NOS1: variants seen among roughly 807,000 people sequenced by gnomAD.
The protein encoded by NOS1 is nitric oxide synthase 1, also known as NOS type I.
A neutral mutation model predicts 164.5 loss-of-function variants in NOS1; 51 were observed. The observed-to-expected ratio is 0.31, with a 90% CI of 0.25 to 0.39. The LOEUF is 0.39. Ranked by LOEUF, NOS1 falls within the 10% of genes least tolerant of loss-of-function variation. NOS1 has a pLI of 1.00. For synonymous variants in NOS1, 719 were observed against 745.8 expected (o/e 0.96, Z 0.59); for missense variants, 1,362 against 1,885.6 (o/e 0.72, Z 5.14).
intron 10 of NOS1, among the ~76,000 whole-genome samples, chr12:117,271,221 G>A (rs747329404): frequency 2.6e-5 from 4 of 151,720 alleles, no homozygotes; most frequent in South Asian, 2.1e-4. Flanking sequence ...GATACCCTCC[G>A]ATGTGTGGCA....
chr12:117,297,355 A>G (rs1873487398), intron 3 of NOS1, among the ~76,000 whole-genome samples: 1 of 152,216 alleles, frequency 6.6e-6, no homozygotes, highest in Admixed American at 6.5e-5. Flanking sequence ...GGATCGGGGC[A>G]AAGGATAAAG....
intron 1 of NOS1, among the ~76,000 whole-genome samples, chr12:117,351,272 G>T (rs1249580216): frequency 6.6e-6 from 1 of 152,164 alleles, no homozygotes; most frequent in Non-Finnish European, 1.5e-5. Flanking sequence ...GGCAGGGTCT[G>T]CATTCCCTTC....
In NOS1 at chr12:117,213,625, A is replaced by G; in HGVS notation, c.*1684T>C. On this transcript the variant is annotated 3_prime_UTR_variant, in exon 29 of 29. Coordinates refer to ENST00000317775, the MANE Select transcript of NOS1 (RefSeq NM_000620.5). ...AAGCCCTTTCAAAGAGGGCCAGTGC[A>G]CTTCCTCTTTAGCAGACACCCAAAC... The G allele has an allele frequency of 1.0e-6, 1 of 985,446 alleles. No homozygotes were observed. The highest frequency in any genetic ancestry group is 1.2e-6 in the Non-Finnish European group (1 of 829,956). The allele number at this position is 985,446 out of a possible 1,614,324, so 61.0% of individuals were successfully genotyped here. A position where few individuals can be genotyped will look rare whatever the true frequency, so the allele number is the denominator to read the frequency against.
At chr12:117,222,685 T>G in intron 26 of NOS1, 30 bp downstream of exon 26, 1 of 1,609,224 alleles carries the variant, frequency 6.2e-7, no homozygotes, top group Non-Finnish European at 8.5e-7. Context: ...TGTGTTGGGC[T>G]GGGCTAGGGG....
chr12:117,252,874 C>T (rs1871201029), intron 17 of NOS1, among the ~76,000 whole-genome samples: 1 of 152,190 alleles, frequency 6.6e-6, no homozygotes, highest in Admixed American at 6.5e-5. Context: ...GTGGCCAGGC[C>T]TGAAGGTTCT....
intron 3 of NOS1, among the ~76,000 whole-genome samples, chr12:117,307,946 C>T (rs1176568331): frequency 5.3e-5 from 8 of 151,554 alleles, no homozygotes; most frequent in Admixed American, 2.0e-4. Flanking sequence ...ACCCAGGAGG[C>T]GGAGGTTGCA....
At position 117,272,158 on chromosome 12, in the gene NOS1, G is replaced by A. The variant is rs9658380; in HGVS notation, c.1839+227C>T. Among the ~76,000 whole-genome samples the A allele has an allele frequency of 5.3e-5, 8 of 152,236 alleles. No homozygotes were observed. Among genetic ancestry groups the A allele is most frequent in the Admixed American group, 2.0e-4 (3 of 15,296 alleles). On this transcript the variant is annotated intron_variant, in intron 10 of 28. Coordinates refer to ENST00000317775, the MANE Select transcript of NOS1 (RefSeq NM_000620.5). This position sits in a 1 kb window ranked among gnomAD's most constrained non-coding sequence, Gnocchi z 4.3. ...GAATGGAACACAGCAACAGTGCTTC[G>A]GATGCTGTTAGCACGTGCTATGTGC... is the stretch of plus-strand genomic sequence containing the variant.
rs1393867875 is a variant in NOS1, at chr12:117,268,070, G to A, written c.1914C>T (p.Ile638=). 5.0e-6 allele frequency: 8 copies of A among 1,613,878 alleles called. No homozygotes were observed. The highest frequency in any genetic ancestry group is 8.5e-7 in the Non-Finnish European group (1 of 1,179,824). Residue 638 remains isoleucine, a synonymous_variant, in exon 11 of 29, where the codon ATC becomes ATT. Transcript: ENST00000317775. ...SLWKDQALVE[I]NIAVLYSFQS... ...GGAAGCTATAGAGAACCGCGATATT[G>A]ATCTCCACCAGCGCCTGGTCCTTCC...
At chr12:117,322,408 C>T in intron 2 of NOS1, among the ~76,000 whole-genome samples, 1 of 137,106 alleles carries the variant, frequency 7.3e-6, no homozygotes, top group Non-Finnish European at 1.6e-5. Context: ...TTCCCTTCCT[C>T]CTTCCTTCCC....
intron 27 of NOS1, 73 bp downstream of exon 27, chr12:117,220,001 CA>C: frequency 7.0e-7 from 1 of 1,429,774 alleles, no homozygotes; most frequent in Non-Finnish European, 9.6e-7. Context: ...ATCATCAAGA[CA>C]GGTTGGATGA....
intron 10 of NOS1, among the ~76,000 whole-genome samples, chr12:117,269,460 A>ATTTTTTTTTTTTTTT (rs200222625): frequency 9.1e-6 from 1 of 110,048 alleles, no homozygotes. Context: ...ATCTCTGGAG[A>ATTTTTTTTTTTTTTT]TTTGTTTTTT....
intron 2 of NOS1, among the ~76,000 whole-genome samples, chr12:117,329,141 T>G (rs1022838897): frequency 3.3e-5 from 5 of 152,108 alleles, no homozygotes; most frequent in African/African-American, 1.2e-4. Flanking sequence ...TCATTACATA[T>G]TTATATATTT....
At chr12:117,219,161 T>C (rs534443886) in intron 27 of NOS1, among the ~76,000 whole-genome samples, 10 of 151,890 alleles carry the variant, frequency 6.6e-5, no homozygotes, top group African/African-American at 2.4e-4. Flanking sequence ...GTATTTTTAG[T>C]AGAGACGGGG....
chr12:117,281,771 A>G (rs1016765502), intron 7 of NOS1, among the ~76,000 whole-genome samples: 2 of 149,502 alleles, frequency 1.3e-5, no homozygotes, highest in South Asian at 4.3e-4. Flanking sequence ...TAGAGGTTGC[A>G]GTGAGCCGGG....
chr12:117,335,275 G>A (rs114051149), intron 1 of NOS1, among the ~76,000 whole-genome samples: 1,608 of 152,234 alleles, frequency 0.011, 25 homozygotes, highest in African/African-American at 0.035. Context: ...ATCTCACGCC[G>A]GTCTGGGTGG....
intron 15 of NOS1, 107 bp from the exon 16 acceptor site, chr12:117,258,562 C>A: frequency 1.7e-6 from 2 of 1,152,642 alleles, no homozygotes; most frequent in South Asian, 1.3e-5. Context: ...GACTGATGCC[C>A]GGAGGCCAGG....
intron 2 of NOS1, among the ~76,000 whole-genome samples, chr12:117,322,551 C>T (rs902331782): frequency 1.5e-5 from 2 of 135,196 alleles, no homozygotes; most frequent in African/African-American, 5.5e-5. Context: ...TTCTTTCCTT[C>T]CTTCCCTGTC....
rs150911001 is a variant in NOS1, at chr12:117,264,168, G to A, written c.2137-194C>T. Among the ~76,000 whole-genome samples the A allele has an allele frequency of 1.9e-3, 291 of 152,018 alleles. 2 individuals carry two copies. The highest frequency in any genetic ancestry group is 6.7e-3 in the African/African-American group (278 of 41,410). ...GGGAGGGGGGGGGTCCTTGCCCAGT[G>A]GGTGGTCTGGCCTTGGCAGTGTCCT... On this transcript the variant is annotated intron_variant, in intron 12 of 28. Transcript: ENST00000317775.
rs768477617 is a variant in NOS1, at chr12:117,225,074, G to T, written c.3768C>A (p.Thr1256=). 1 of 1,614,204 alleles carries T rather than the reference G, an allele frequency of 6.2e-7. No homozygotes were observed. Among genetic ancestry groups the T allele is most frequent in the Non-Finnish European group, 8.5e-7 (1 of 1,180,032 alleles). The change falls in exon 25 of 29, where the codon ACC becomes ACA. Residue 1256 remains threonine (T), a synonymous_variant. Coordinates refer to ENST00000317775, the MANE Select transcript of NOS1 (RefSeq NM_000620.5). ...AGAAGCTTCGGAAAGGGGCAATGCC[G>T]GTGCCTGGTCCAACGAGGATGCAGG... ...QVPCILVGPG[T]GIAPFRSFWQ...
Sources: allele counts gnomAD v4.1 joint callset (sites outside exome capture counted in the v4.1 genomes callset), GRCh38; gene constraint gnomAD v4.1.1; non-coding constraint Gnocchi (gnomAD v3.1); transcripts MANE v1.5; gene names NCBI Gene and HGNC (gene_info 2026-07-23, HGNC 2026-07-21).